Variants in DLG2 observed in about 807,000 individuals in gnomAD.
DLG2 encodes discs large MAGUK scaffold protein 2.
DLG2 carries 45 observed loss-of-function variants against 132.5 expected under a neutral mutation model. That is an observed-to-expected ratio of 0.34 (90% CI 0.27 to 0.44). The LOEUF is 0.44. Among genes scored for constraint, DLG2 ranks in the 20% least tolerant of loss-of-function variants. The pLI is 1.00. For synonymous variants in DLG2, 424 were observed against 419.6 expected, an observed-to-expected ratio of 1.01 and a Z score of -0.13; for missense variants, 1,045 against 1,196.9, an observed-to-expected ratio of 0.87 and a Z score of 1.87.
At chr11:85,356,892 C>G (rs1193421792) in intron 3 of DLG2, among the ~76,000 whole-genome samples, 1 of 152,032 alleles carries the variant, frequency 6.6e-6, no homozygotes, top group Non-Finnish European at 1.5e-5. Context: ...TATTCCACCC[C>G]CACTCCTCAA....
intron 12 of DLG2, among the ~76,000 whole-genome samples, chr11:83,968,417 C>T (rs906748227): frequency 2.3e-4 from 35 of 152,076 alleles, no homozygotes; most frequent in African/African-American, 7.2e-4. Context: ...TCCCTTAAAT[C>T]TTTTTTCATT....
At chr11:84,792,274 G>A (rs2073963331) in intron 6 of DLG2, among the ~76,000 whole-genome samples, 1 of 152,082 alleles carries the variant, frequency 6.6e-6, no homozygotes, top group Admixed American at 6.5e-5. Context: ...GTGTCACTGG[G>A]ATAAATCCCA....
intron 19 of DLG2, among the ~76,000 whole-genome samples, chr11:83,580,886 C>G: frequency 8.5e-6 from 1 of 117,372 alleles, no homozygotes; most frequent in South Asian, 3.1e-4. Flanking sequence ...CTCCCCTCCT[C>G]TCCCCTCCCT....
chr11:85,473,204 AGC>A (rs1456377734), intron 3 of DLG2, among the ~76,000 whole-genome samples: 6 of 152,208 alleles, frequency 3.9e-5, no homozygotes, highest in Admixed American at 2.6e-4. Flanking sequence ...CAGTAGCAAA[AGC>A]CAAGCACAGC....
At chr11:84,597,731 T>C (rs2099566462) in intron 6 of DLG2, among the ~76,000 whole-genome samples, 1 of 152,152 alleles carries the variant, frequency 6.6e-6, no homozygotes, top group Non-Finnish European at 1.5e-5. Context: ...TGCACTGATA[T>C]CATCTGAATC....
chr11:84,698,485 T>C (rs2058851864), intron 6 of DLG2, among the ~76,000 whole-genome samples: 1 of 151,572 alleles, frequency 6.6e-6, no homozygotes, highest in Admixed American at 6.6e-5. Context: ...CAAACATCTA[T>C]GATTTAAATG....
chr11:84,558,987 CT>C (rs370335518), intron 6 of DLG2, among the ~76,000 whole-genome samples: 1 of 152,018 alleles, frequency 6.6e-6, no homozygotes, highest in East Asian at 1.9e-4. Flanking sequence ...ACATTTTTAT[CT>C]TTTTTCTCCC....
At chr11:85,388,173 T>C (rs1474975359) in intron 3 of DLG2, among the ~76,000 whole-genome samples, 2 of 152,100 alleles carry the variant, frequency 1.3e-5, no homozygotes, top group East Asian at 1.9e-4. Context: ...TTGAGGCCAG[T>C]GGCTGCTAGC....
intron 3 of DLG2, among the ~76,000 whole-genome samples, chr11:85,463,988 GTACACACACACACACA>G (rs1215578315): frequency 1.9e-4 from 1 of 5,190 alleles, no homozygotes; most frequent in Non-Finnish European, 4.2e-4. Context: ...AGACATACAT[GTACACACACACACACA>G]TACACACACA....
intron 7 of DLG2, among the ~76,000 whole-genome samples, chr11:84,388,411 C>T (rs2098779795): frequency 6.6e-6 from 1 of 151,920 alleles, no homozygotes; most frequent in South Asian, 2.1e-4. Context: ...AAGAACCTCC[C>T]ACTAGTCTTT....
rs75338827 is a variant in DLG2 at position 83,671,747 on chromosome 11, C to T, written c.1826-38422G>A. 7.5e-3 allele frequency among the ~76,000 whole-genome samples: 1,134 copies of T among 152,180 alleles called. 11 individuals are homozygous for T. Among genetic ancestry groups the T allele is most frequent in the African/African-American group, 0.025 (1,056 of 41,528 alleles). On this transcript the variant is annotated intron_variant, in intron 18 of 27. Transcript: ENST00000376104. ...ATAATTTCATCCATGCCTATGTCAG[C>T]GTGTAGCTCTAAAAGATAAGGGTGC...
chr11:84,150,839 G>A lies in DLG2; in HGVS notation c.624+12622C>T, dbSNP rs188483098. 3.3e-3 allele frequency among the ~76,000 whole-genome samples: 499 copies of A among 152,148 alleles called. 4 individuals are homozygous for A. The highest frequency in any genetic ancestry group is 0.012 in the African/African-American group (486 of 41,528). On this transcript the variant is annotated intron_variant, in intron 9 of 27. Coordinates refer to ENST00000376104, the MANE Select transcript of DLG2 (RefSeq NM_001142699.3). ...TGAAGGATGTTGAATTTTATCCAAA[G>A]CTTTTTCTAAATCTATTGAGATCAT... is the stretch of plus-strand genomic sequence containing the variant.
At chr11:84,639,349 T>G (rs766806990) in intron 6 of DLG2, among the ~76,000 whole-genome samples, 1 of 48,244 alleles carries the variant, frequency 2.1e-5, no homozygotes, top group Admixed American at 1.4e-4. Context: ...GATATCTGTG[T>G]TTTTTTTTTT....
chr11:83,543,483 A>G (rs182630491), intron 19 of DLG2, among the ~76,000 whole-genome samples: 5 of 152,266 alleles, frequency 3.3e-5, no homozygotes, highest in Admixed American at 6.5e-5. Context: ...GGTTATGAAT[A>G]TGGACTACTG....
At chr11:83,858,068 A>G (rs2060835658) in intron 16 of DLG2, among the ~76,000 whole-genome samples, 1 of 152,156 alleles carries the variant, frequency 6.6e-6, no homozygotes, top group African/African-American at 2.4e-5. Flanking sequence ...CCAAAAACAA[A>G]GGAGGGTGGT....
intron 18 of DLG2, chr11:83,647,134 T>C (rs2068449784): frequency 6.6e-6 from 1 of 152,116 alleles, no homozygotes; most frequent in Non-Finnish European, 1.5e-5. Context: ...ATGTTCATTT[T>C]GGAGACACTC....
chr11:85,438,987 G>T (rs1470247235), intron 3 of DLG2, among the ~76,000 whole-genome samples: 1 of 152,072 alleles, frequency 6.6e-6, no homozygotes, highest in East Asian at 1.9e-4. Context: ...ATAATTCCCT[G>T]AAGAGTCATC....
At chr11:85,537,007 A>G (rs1275234575) in intron 3 of DLG2, among the ~76,000 whole-genome samples, 1 of 152,190 alleles carries the variant, frequency 6.6e-6, no homozygotes, top group African/African-American at 2.4e-5. Flanking sequence ...AAATGCATCA[A>G]TCAGCATTCT....
chr11:84,733,734 A>T (rs4536252), intron 6 of DLG2, among the ~76,000 whole-genome samples: 127,288 of 152,086 alleles, frequency 0.84, 54,066 homozygotes, highest in Middle Eastern at 0.93. Context: ...CTGAATGGTA[A>T]TGCCTAGGTT....
Sources: allele counts gnomAD v4.1 joint callset (sites outside exome capture counted in the v4.1 genomes callset), GRCh38; gene constraint gnomAD v4.1.1; transcripts MANE v1.5; gene names NCBI Gene and HGNC (gene_info 2026-07-23, HGNC 2026-07-21).